The following NREP variants were observed in gnomAD, a reference collection of about 807,000 sequenced individuals.
The protein encoded by NREP is neuronal regeneration-related protein.
In NREP, 5 loss-of-function variants were observed where a neutral mutation model predicts 8.6. That is an observed-to-expected ratio of 0.58 (90% CI 0.30 to 1.22). NREP has a LOEUF of 1.22. NREP is among the 50% of genes most tolerant of loss of function. The pLI, the probability that NREP is intolerant of heterozygous loss-of-function variation, is 0.07. For synonymous variants in NREP, 27 were observed against 28.0 expected (o/e 0.96, Z 0.11); for missense variants, 86 against 82.5 (o/e 1.04, Z -0.17).
At chr5:111,837,642 G>C (rs950500579) in intron 2 of NREP, among the ~76,000 whole-genome samples, 4 of 152,006 alleles carry the variant, frequency 2.6e-5, no homozygotes, top group Non-Finnish European at 5.9e-5. Context: ...TCATGTTATA[G>C]AGGAATAATA....
chr5:111,772,316 T>C (rs776110933), intron 2 of NREP, among the ~76,000 whole-genome samples: 2 of 152,212 alleles, frequency 1.3e-5, no homozygotes, highest in Non-Finnish European at 2.9e-5. Context: ...AGAAGGTTTT[T>C]TGTTTGTTTT....
At chr5:111,801,442 C>G (rs1211185784) in intron 2 of NREP, among the ~76,000 whole-genome samples, 1 of 152,172 alleles carries the variant, frequency 6.6e-6, no homozygotes, top group African/African-American at 2.4e-5. Flanking sequence ...TGTTCATTAT[C>G]TGTATTCACC....
intron 2 of NREP, among the ~76,000 whole-genome samples, chr5:111,850,922 T>C (rs1753291484): frequency 6.6e-6 from 1 of 152,192 alleles, no homozygotes; most frequent in Admixed American, 6.6e-5. Flanking sequence ...AGGTGTGTGA[T>C]CTGTAGCAAA....
intron 2 of NREP, among the ~76,000 whole-genome samples, chr5:111,971,152 A>G (rs1756805829): frequency 6.6e-6 from 1 of 152,204 alleles, no homozygotes; most frequent in African/African-American, 2.4e-5. Context: ...CAAAATTGGT[A>G]TGAGGAGAGA....
At chr5:111,958,993 C>T in intron 2 of NREP, among the ~76,000 whole-genome samples, 1 of 151,606 alleles carries the variant, frequency 6.6e-6, no homozygotes, top group East Asian at 1.9e-4. Context: ...CTGTTCAATG[C>T]AGTACATTTG....
At chr5:111,795,471 C>T (rs930160952) in intron 2 of NREP, among the ~76,000 whole-genome samples, 11 of 152,184 alleles carry the variant, frequency 7.2e-5, no homozygotes, top group Admixed American at 6.6e-4. Context: ...AAGTTTTCCA[C>T]AGTTGCTTGA....
At chr5:111,930,323 C>A (rs1308407865) in intron 2 of NREP, among the ~76,000 whole-genome samples, 2 of 152,114 alleles carry the variant, frequency 1.3e-5, no homozygotes, top group African/African-American at 4.8e-5. Context: ...GTTACTAACA[C>A]CAAATGAGAA....
intron 2 of NREP, among the ~76,000 whole-genome samples, chr5:111,777,741 C>T (rs889610003): frequency 1.3e-5 from 2 of 151,930 alleles, no homozygotes; most frequent in African/African-American, 4.8e-5. Flanking sequence ...TTAAGACTGG[C>T]AAAGTTCTAG....
chr5:111,942,066 A>T (rs1228101415), intron 2 of NREP, among the ~76,000 whole-genome samples: 1 of 152,050 alleles, frequency 6.6e-6, no homozygotes, highest in African/African-American at 2.4e-5. Context: ...TGTCTCAAAG[A>T]TCGATTCCAT....
At chr5:111,839,726 T>A (rs1002379869) in intron 2 of NREP, among the ~76,000 whole-genome samples, 14 of 152,216 alleles carry the variant, frequency 9.2e-5, no homozygotes, top group African/African-American at 3.1e-4. Context: ...AAAGTTGTTA[T>A]AATAATATAA....
chr5:111,886,292 G>A (rs1441786106), intron 2 of NREP, among the ~76,000 whole-genome samples: 3 of 152,210 alleles, frequency 2.0e-5, no homozygotes, highest in African/African-American at 7.2e-5. Flanking sequence ...ACACCAGTTA[G>A]AATGGCAGTC....
intron 2 of NREP, among the ~76,000 whole-genome samples, chr5:111,870,283 G>A (rs1753760152): frequency 6.6e-6 from 1 of 152,090 alleles, no homozygotes; most frequent in Non-Finnish European, 1.5e-5. Context: ...TACAAAATCA[G>A]CCAGGCGTGG....
chr5:111,910,314 T>A (rs550121387), intron 2 of NREP, among the ~76,000 whole-genome samples: 4 of 152,122 alleles, frequency 2.6e-5, no homozygotes, highest in African/African-American at 7.2e-5. Flanking sequence ...AAGAACTTAT[T>A]GCTTACCTCC....
intron 2 of NREP, among the ~76,000 whole-genome samples, chr5:111,957,510 C>G (rs1206015723): frequency 2.6e-5 from 4 of 151,580 alleles, no homozygotes; most frequent in Non-Finnish European, 5.9e-5. Context: ...ATAGATAACC[C>G]CTATTTTATA....
rs1242125792 is a variant in NREP at position 111,975,293 on chromosome 5, T to A, written c.116A>T (p.Gln39Leu). The A allele has an allele frequency of 6.4e-7, 1 of 1,551,204 alleles. No individual in the cohort carries two copies. Among genetic ancestry groups the A allele is most frequent in the Non-Finnish European group, 8.7e-7 (1 of 1,146,662 alleles). Residue 39 changes from glutamine (Q) to leucine (L), a missense_variant, in exon 2 of 4, where the codon CAG (glutamine) becomes CTG (leucine). Gln to Leu is a moderately radical substitution (Grantham distance 113, BLOSUM62 -2). Transcript: ENST00000395634. ...TCTTACACAATTCAGAACAGAAATC[T>A]GGCAGTGAACCTGGAAACATTTGGA...
At chr5:111,813,783 A>C (rs6894855) in intron 2 of NREP, among the ~76,000 whole-genome samples, 42,085 of 151,746 alleles carry the variant, frequency 0.28, 6,065 homozygotes, top group African/African-American at 0.34. Flanking sequence ...TCACATTCAC[A>C]ATTTCCCAGC....
intron 2 of NREP, among the ~76,000 whole-genome samples, chr5:111,861,705 C>A (rs933555377): frequency 7.2e-5 from 11 of 152,086 alleles, no homozygotes; most frequent in Admixed American, 7.2e-4. Context: ...ATACATTTTG[C>A]TTTAGATGTA....
At chr5:111,790,785 T>C (rs1438043225) in intron 2 of NREP, among the ~76,000 whole-genome samples, 1 of 152,170 alleles carries the variant, frequency 6.6e-6, no homozygotes, top group African/African-American at 2.4e-5. Context: ...GGATATATTG[T>C]TGAGTACAAA....
intron 2 of NREP, among the ~76,000 whole-genome samples, chr5:111,836,033 G>A (rs775999564): frequency 6.6e-6 from 1 of 152,112 alleles, no homozygotes; most frequent in Admixed American, 6.6e-5. Flanking sequence ...CCTGCAATCT[G>A]TGTGGTCAGC....
Sources: allele counts gnomAD v4.1 joint callset (sites outside exome capture counted in the v4.1 genomes callset), GRCh38; gene constraint gnomAD v4.1.1; transcripts MANE v1.5; gene names NCBI Gene and HGNC (gene_info 2026-07-23, HGNC 2026-07-21).